ABCF2: variants seen among roughly 807,000 people sequenced by gnomAD.
The protein encoded by ABCF2 is ATP-binding cassette sub-family F member 2.
Under a neutral mutation model 76.9 loss-of-function variants are expected in ABCF2, and 37 were observed. The ratio of observed to expected loss-of-function variants is 0.48; its 90% CI spans 0.37 to 0.63. The LOEUF (loss-of-function observed/expected upper bound fraction) is 0.63. Ranked by LOEUF, ABCF2 falls within the 30% of genes least tolerant of loss-of-function variation. The pLI, the probability that ABCF2 is intolerant of heterozygous loss-of-function variation, is 0.00. For synonymous variants in ABCF2, 299 were observed against 283.7 expected (o/e 1.05, Z -0.54); for missense variants, 524 against 782.1 (o/e 0.67, Z 3.94).
At chr7:151,224,156 C>G in intron 3 of ABCF2, 42 bp from the exon 4 acceptor site, 1 of 1,597,266 alleles carries the variant, frequency 6.3e-7, no homozygotes, top group East Asian at 2.2e-5. Flanking sequence ...AGTGAACTCC[C>G]CTATCCCTCT....
At chr7:151,217,516 A>G (rs1041364647) in intron 11 of ABCF2, among the ~76,000 whole-genome samples, 6 of 152,182 alleles carry the variant, frequency 3.9e-5, no homozygotes, top group African/African-American at 1.4e-4. Flanking sequence ...AAATAGAAAC[A>G]TGGGCCAGAC....
At chr7:151,222,828 G>A (rs936941195) in intron 5 of ABCF2, among the ~76,000 whole-genome samples, 7 of 152,230 alleles carry the variant, frequency 4.6e-5, no homozygotes, top group African/African-American at 1.7e-4. Flanking sequence ...ACGGGGCTCA[G>A]AAGCATATAA....
In ABCF2 at chr7:151,218,080, C is replaced by A. The variant is rs1489453472; in HGVS notation, c.1338+1G>T. The A allele has an allele frequency of 6.2e-7, 1 of 1,609,808 alleles. No individual in the cohort carries two copies. The highest frequency in any genetic ancestry group is 2.2e-5 in the East Asian group (1 of 44,866). On this transcript the variant is annotated splice_donor_variant, in intron 11 of 14. Coordinates refer to ENST00000287844, the MANE Select transcript of ABCF2 (RefSeq NM_007189.3). LOFTEE classifies it high-confidence loss of function. ...GATCCACGCCCACCTTGGCACCATA[C>A]CTCTCCAGTTAGCAGCTTCAGAAGA...
intron 11 of ABCF2, 149 bp from the exon 12 acceptor site, chr7:151,216,178 G>C: frequency 1.5e-6 from 1 of 649,858 alleles, no homozygotes; most frequent in Admixed American, 2.8e-5. Context: ...CTGCTATTCT[G>C]GCCACTCTAA....
At chr7:151,222,723 G>T in intron 5 of ABCF2, 107 bp from the exon 6 acceptor site, 1 of 815,798 alleles carries the variant, frequency 1.2e-6, no homozygotes, top group Non-Finnish European at 1.9e-6. Flanking sequence ...CTCCTGGCTT[G>T]AGTCTTGAAA....
intron 1 of ABCF2, chr7:151,226,914 A>C: frequency 6.5e-6 from 1 of 153,106 alleles, no homozygotes; most frequent in Non-Finnish European, 1.4e-5. Context: ...CCCTCTCCAC[A>C]TCACCCGGCC....
chr7:151,214,302 T>G lies in ABCF2; in HGVS notation c.1735-111A>C. 2 of 1,467,036 alleles carry G rather than the reference T, an allele frequency of 1.4e-6. No individual in the cohort carries two copies. The highest frequency in any genetic ancestry group is 9.4e-7 in the Non-Finnish European group (1 of 1,062,064). 90.9% of individuals were successfully genotyped at this position (1,467,036 alleles called of 1,614,324 possible). A position where few individuals can be genotyped will look rare whatever the true frequency, so the allele number is the denominator to read the frequency against. On this transcript the variant is annotated intron_variant, in intron 14 of 14. Transcript: ENST00000287844. This position sits in a 1 kb window ranked among gnomAD's most constrained non-coding sequence, Gnocchi z 4.9. The stretch of plus-strand genomic sequence containing the variant: ...GAAAACTCCGCCCCCCAAACCCATA[T>G]CCAACTCACTGTCTCACTACTTCTA...
Position 151,212,537 on chromosome 7 carries a change from T to C in ABCF2, c.*1517A>G. ...TTTTTTGAGACAGTGTCTCGGTCTG[T>C]CATCAGGCTGGAGTGTAGCGGCACG... On this transcript the variant is annotated 3_prime_UTR_variant, in exon 15 of 15. Coordinates refer to ENST00000287844, the MANE Select transcript of ABCF2 (RefSeq NM_007189.3). 1.0e-6 allele frequency: 1 copy of C among 974,980 alleles called. No individual in the cohort carries two copies. Among genetic ancestry groups the C allele is most frequent in the Non-Finnish European group, 1.2e-6 (1 of 820,402 alleles). The allele number at this position is 974,980 out of a possible 1,614,324, so 60.4% of individuals were successfully genotyped here. A position where few individuals can be genotyped will look rare whatever the true frequency, so the allele number is the denominator to read the frequency against.
At position 151,215,321 on chromosome 7, in the gene ABCF2, C is replaced by G. The variant is rs1802128643; in HGVS notation, c.1531-239G>C. 1.3e-5 allele frequency among the ~76,000 whole-genome samples: 2 copies of G among 152,200 alleles called. No individual in the cohort carries two copies. Among genetic ancestry groups the G allele is most frequent in the Admixed American group, 6.5e-5 (1 of 15,278 alleles). Reference sequence around the variant, plus strand: ...GGCAATGAATTGGATCCTTCCAGATCTGAATCCAGAAATTTGTTTTCTAGA... The same window carrying G: ...GGCAATGAATTGGATCCTTCCAGATGTGAATCCAGAAATTTGTTTTCTAGA... On this transcript the variant is annotated intron_variant, in intron 13 of 14. Coordinates refer to ENST00000287844, the MANE Select transcript of ABCF2 (RefSeq NM_007189.3). The surrounding 1 kb of genome is among the most constrained non-coding windows in gnomAD (Gnocchi z 4.6).
chr7:151,222,709 T>G, intron 5 of ABCF2, 93 bp from the exon 6 acceptor site: 1 of 972,866 alleles, frequency 1.0e-6, no homozygotes, highest in Non-Finnish European at 1.6e-6. Context: ...CAATTCTGAG[T>G]AGGCTCCTGG....
intron 5 of ABCF2, 133 bp from the exon 6 acceptor site, chr7:151,222,749 A>G (rs989106985): frequency 6.4e-6 from 4 of 626,456 alleles, no homozygotes; most frequent in South Asian, 2.1e-5. Context: ...TTTAGGCTCT[A>G]TACCTCAGAG....
At chr7:151,216,613 G>A (rs1322999320) in intron 11 of ABCF2, among the ~76,000 whole-genome samples, 1 of 152,086 alleles carries the variant, frequency 6.6e-6, no homozygotes, top group Non-Finnish European at 1.5e-5. Context: ...CAACTTCTCT[G>A]TCCCAGGCTC....
rs781547207 is a variant in ABCF2, at chr7:151,214,066, G to C, written c.1860C>G (p.Thr620=). 1.9e-6 allele frequency: 3 copies of C among 1,613,956 alleles called. No homozygotes were observed. The highest frequency in any genetic ancestry group is 2.5e-6 in the Non-Finnish European group (3 of 1,179,982). ...VDEEPQLTKR[T]HNV ...CCAGGTAGAGGGCTCACACGTTGTG[G>C]GTCCTCTTGGTGAGCTGGGGCTCCT... The change falls in exon 15 of 15, where the codon ACC becomes ACG. Residue 620 remains threonine (T), a synonymous_variant. Transcript: ENST00000287844. This position sits in a 1 kb window ranked among gnomAD's most constrained non-coding sequence, Gnocchi z 4.9.
rs1440589283 is a variant in ABCF2 at position 151,211,826 on chromosome 7, G to C, written c.*2228C>G. On this transcript the variant is annotated 3_prime_UTR_variant, in exon 15 of 15. Transcript: ENST00000287844. ...CCCACTTAAGGCATAAAGCAGTCAA[G>C]CCAGTACCCTCTGGGGTCAGAGGAC... 7.1e-6 allele frequency: 7 copies of C among 985,284 alleles called. No individual in the cohort carries two copies. The East Asian group carries it at 5.7e-4, about 80-fold the overall frequency. The allele number at this position is 985,284 out of a possible 1,614,324, so 61.0% of individuals were successfully genotyped here. A position where few individuals can be genotyped will look rare whatever the true frequency, so the allele number is the denominator to read the frequency against.
chr7:151,213,492 G>A lies in ABCF2; in HGVS notation c.*562C>T. 2 of 985,858 alleles carry A rather than the reference G, an allele frequency of 2.0e-6. No homozygotes were observed. The highest frequency in any genetic ancestry group is 2.4e-6 in the Non-Finnish European group (2 of 830,256). 61.1% of individuals were successfully genotyped at this position (985,858 alleles called of 1,614,324 possible). On this transcript the variant is annotated 3_prime_UTR_variant, in exon 15 of 15. Coordinates refer to ENST00000287844, the MANE Select transcript of ABCF2 (RefSeq NM_007189.3). Reference sequence around the variant, plus strand: ...GGAGGAGAAGGCCCCAGAGACCCGAGAAGGAAGGTAGGGACCGTGGCTTCC... The same window carrying A: ...GGAGGAGAAGGCCCCAGAGACCCGAAAAGGAAGGTAGGGACCGTGGCTTCC...
intron 7 of ABCF2, among the ~76,000 whole-genome samples, 158 bp from the exon 8 acceptor site, chr7:151,219,317 C>T (rs1002589070): frequency 2.0e-5 from 3 of 152,220 alleles, no homozygotes; most frequent in Non-Finnish European, 4.4e-5. Context: ...GAAGCATATC[C>T]TAACATCAAA....
intron 2 of ABCF2, among the ~76,000 whole-genome samples, chr7:151,225,939 C>T (rs528221825): frequency 3.6e-4 from 55 of 152,346 alleles, no homozygotes; most frequent in African/African-American, 1.3e-3. Context: ...AGAGCCACTA[C>T]ACCAGTGAGA....
At position 151,215,575 on chromosome 7, in the gene ABCF2, G is replaced by A; in HGVS notation, c.1530+29C>T. On this transcript the variant is annotated intron_variant, in intron 13 of 14. Coordinates refer to ENST00000287844, the MANE Select transcript of ABCF2 (RefSeq NM_007189.3). The surrounding 1 kb of genome is among the most constrained non-coding windows in gnomAD (Gnocchi z 4.6). ...CCAGCCACAGTCTGCCAGCTATCTG[G>A]CATCCTCACCACACCCTCCTTTACT... 6.2e-7 allele frequency: 1 copy of A among 1,612,380 alleles called. No homozygotes were observed. Among genetic ancestry groups the A allele is most frequent in the Non-Finnish European group, 8.5e-7 (1 of 1,179,130 alleles).
At chr7:151,216,111 A>G in intron 11 of ABCF2, 82 bp from the exon 12 acceptor site, 1 of 1,192,604 alleles carries the variant, frequency 8.4e-7, no homozygotes, top group Non-Finnish European at 1.3e-6. Context: ...AAACAAACAC[A>G]TGTTCACACT....
Sources: allele counts gnomAD v4.1 joint callset (sites outside exome capture counted in the v4.1 genomes callset), GRCh38; gene constraint gnomAD v4.1.1; non-coding constraint Gnocchi (gnomAD v3.1); transcripts MANE v1.5; gene names NCBI Gene and HGNC (gene_info 2026-07-23, HGNC 2026-07-21).